Variants in POM121 observed in about 807,000 individuals in gnomAD.
POM121 encodes POM121 transmembrane nucleoporin, also known as nuclear envelope pore membrane protein POM 121.
In POM121, 32 loss-of-function variants were observed where a neutral mutation model predicts 81.3. That is an observed-to-expected ratio of 0.39 (90% CI 0.30 to 0.53). POM121 has a LOEUF of 0.53. Among genes scored for constraint, POM121 ranks in the 20% least tolerant of loss-of-function variants. POM121 has a pLI of 0.66. For missense variants in POM121, 1,138 were observed against 1,614.6 expected, an observed-to-expected ratio of 0.70 and a Z score of 5.06; for synonymous variants, 514 against 694.2, an observed-to-expected ratio of 0.74 and a Z score of 4.08.
chr7:72,938,874 A>G (rs553041673), intron 6 of POM121, among the ~76,000 whole-genome samples, 193 bp downstream of exon 6: 1 of 152,346 alleles, frequency 6.6e-6, no homozygotes, highest in East Asian at 1.9e-4. Flanking sequence ...TACTGACTCC[A>G]GTGGCCTCTG....
At chr7:72,930,616 G>A (rs1229023672) in intron 5 of POM121, among the ~76,000 whole-genome samples, 19 of 152,260 alleles carry the variant, frequency 1.2e-4, no homozygotes, top group African/African-American at 4.3e-4. Flanking sequence ...TTTTAAACAA[G>A]TGGTCATGAT....
rs1244939310 is a variant in POM121, at chr7:72,939,545, T to A, written c.1441+136T>A. 7 of 1,379,758 alleles carry A rather than the reference T, an allele frequency of 5.1e-6. No individual in the cohort carries two copies. In the African/African-American group the frequency reaches 7.3e-5, roughly 14 times the overall value. 85.5% of individuals were successfully genotyped at this position (1,379,758 alleles called of 1,614,324 possible). A position where few individuals can be genotyped will look rare whatever the true frequency, so the allele number is the denominator to read the frequency against. Reference sequence around the variant, plus strand: ...GCATGTTAGATACAAAGAGAGAGATTTCCTCTCCTTCAGAAGTTTATAGTC... The same window carrying A: ...GCATGTTAGATACAAAGAGAGAGATATCCTCTCCTTCAGAAGTTTATAGTC... On this transcript the variant is annotated intron_variant, in intron 7 of 12. Coordinates refer to ENST00000434423, the MANE Select transcript of POM121 (RefSeq NM_001387691.1).
intron 1 of POM121, among the ~76,000 whole-genome samples, chr7:72,884,053 A>C (rs1243516142): frequency 3.3e-5 from 5 of 152,032 alleles, no homozygotes; most frequent in African/African-American, 1.2e-4. Flanking sequence ...GTATAGTCAT[A>C]TGCCACAATG....
At chr7:72,934,414 G>C (rs1209949715) in intron 5 of POM121, among the ~76,000 whole-genome samples, 5 of 152,138 alleles carry the variant, frequency 3.3e-5, no homozygotes, top group African/African-American at 1.2e-4. Flanking sequence ...TTAGAGATTT[G>C]AATACGCTCT....
At chr7:72,891,523 C>T (rs542388522) in intron 3 of POM121, among the ~76,000 whole-genome samples, 51 of 152,316 alleles carry the variant, frequency 3.3e-4, no homozygotes, top group African/African-American at 1.2e-3. Context: ...TCTCCTTCCT[C>T]AGCCTCCTGA....
At chr7:72,913,965 G>A (rs1403448967) in intron 4 of POM121, 1 of 152,156 alleles carries the variant, frequency 6.6e-6, no homozygotes, top group African/African-American at 2.4e-5. Context: ...TCGCGTGGTC[G>A]GGGTTATGTC....
At chr7:72,892,061 C>T (rs1461545196) in intron 3 of POM121, among the ~76,000 whole-genome samples, 2 of 152,244 alleles carry the variant, frequency 1.3e-5, no homozygotes, top group African/African-American at 4.8e-5. Flanking sequence ...GAATCATGCT[C>T]TGTCCATAGT....
chr7:72,926,931 A>T lies in POM121; in HGVS notation c.990A>T (p.Gln330His). 3.7e-6 allele frequency: 6 copies of T among 1,613,994 alleles called. No homozygotes were observed. The highest frequency in any genetic ancestry group is 5.1e-6 in the Non-Finnish European group (6 of 1,179,878). ...EKKRTVEEED[Q>H]IFLDGQENKR... ...AAAGGACAGTGGAGGAAGAAGACCA[A>T]ATATTCCTTGATGGCCAGGAAAATA... is the stretch of plus-strand genomic sequence containing the variant. Residue 330 changes from glutamine to histidine, a missense_variant, in exon 3 of 13, where the codon CAA (glutamine) becomes CAT (histidine). Transcript: ENST00000434423.
intron 5 of POM121, among the ~76,000 whole-genome samples, chr7:72,931,226 C>T (rs1269224892): frequency 2.0e-5 from 3 of 152,032 alleles, no homozygotes; most frequent in Non-Finnish European, 4.4e-5. Flanking sequence ...ACTATGGGTT[C>T]CAAACTGGCT....
At chr7:72,897,410 T>G (rs1329813985) in intron 3 of POM121, among the ~76,000 whole-genome samples, 2 of 152,160 alleles carry the variant, frequency 1.3e-5, no homozygotes, top group Non-Finnish European at 2.9e-5. Flanking sequence ...GGAGTGAAGT[T>G]CAGCAAAGGC....
At chr7:72,910,758 G>A (rs1290499642) in intron 3 of POM121, among the ~76,000 whole-genome samples, 24 of 152,062 alleles carry the variant, frequency 1.6e-4, no homozygotes, top group African/African-American at 4.1e-4. Flanking sequence ...CGCCCTCTTC[G>A]CTGTCATTTG....
chr7:72,890,426 G>A (rs1189473308), intron 1 of POM121, among the ~76,000 whole-genome samples: 1 of 152,114 alleles, frequency 6.6e-6, no homozygotes, highest in Non-Finnish European at 1.5e-5. Flanking sequence ...TAGGAGCTCA[G>A]TTGTGTTTTG....
downstream of POM121, chr7:72,949,764 A>G: frequency 2.2e-6 from 2 of 894,082 alleles, no homozygotes; most frequent in Non-Finnish European, 3.8e-6. Context: ...AGTTAAGCGA[A>G]AGTCATCCTT....
intron 1 of POM121, among the ~76,000 whole-genome samples, chr7:72,880,521 A>G (rs1161055965): frequency 6.6e-6 from 1 of 151,964 alleles, no homozygotes; most frequent in Admixed American, 6.6e-5. Flanking sequence ...TTTTATACAC[A>G]TTCATTTCAT....
At chr7:72,937,261 A>G (rs1336761726) in intron 5 of POM121, among the ~76,000 whole-genome samples, 1 of 152,064 alleles carries the variant, frequency 6.6e-6, no homozygotes, top group Non-Finnish European at 1.5e-5. Context: ...CTCAAAAAAA[A>G]AAAAAGTTCC....
In POM121 at chr7:72,926,443, G is replaced by A. The variant is rs182888856; in HGVS notation, c.826G>A (p.Ala276Thr). 28 of 1,613,936 alleles carry A rather than the reference G, an allele frequency of 1.7e-5. No homozygotes were observed. The highest frequency in any genetic ancestry group is 5.0e-5 in the Admixed American group (3 of 60,014). Residue 276 changes from alanine (A) to threonine (T), a missense_variant, in exon 2 of 13, where the codon GCC (alanine) becomes ACC (threonine). Coordinates refer to ENST00000434423, the MANE Select transcript of POM121 (RefSeq NM_001387691.1). ...GTGTAGCCCAGTGACTGTGAGGATC[G>A]CCCCTCCTGACAGAAGATTTTCGCG... ...MVCSPVTVRI[A>T]PPDRRFSRSA...
intron 1 of POM121, among the ~76,000 whole-genome samples, chr7:72,889,555 G>A (rs1791095601): frequency 6.6e-6 from 1 of 151,670 alleles, no homozygotes; most frequent in Non-Finnish European, 1.5e-5. Context: ...TGCCTAGGCT[G>A]GAGTGCAGTG....
chr7:72,909,126 T>C (rs1224255185), intron 3 of POM121, among the ~76,000 whole-genome samples: 1 of 152,250 alleles, frequency 6.6e-6, no homozygotes, highest in African/African-American at 2.4e-5. Context: ...TAAATGTCTA[T>C]GAAATCTTCA....
chr7:72,913,968 G>T (rs1365529593), intron 4 of POM121: 2 of 152,122 alleles, frequency 1.3e-5, no homozygotes, highest in Non-Finnish European at 2.9e-5. Flanking sequence ...CGTGGTCGGG[G>T]TTATGTCTCT....
Sources: allele counts gnomAD v4.1 joint callset (sites outside exome capture counted in the v4.1 genomes callset), GRCh38; gene constraint gnomAD v4.1.1; transcripts MANE v1.5; gene names NCBI Gene and HGNC (gene_info 2026-07-23, HGNC 2026-07-21).